NFATC2: variants seen among roughly 807,000 people sequenced by gnomAD.
NFATC2 encodes the protein nuclear factor of activated T cells 2, also known as nuclear factor of activated T-cells, cytoplasmic 2.
Under a neutral mutation model 87.3 loss-of-function variants are expected in NFATC2, and 22 were observed. The observed-to-expected ratio is 0.25, with a 90% CI of 0.18 to 0.36. NFATC2 has a LOEUF of 0.36. Among genes scored for constraint, NFATC2 ranks in the 10% least tolerant of loss-of-function variants. The pLI is 1.00. For missense variants in NFATC2, 1,149 were observed against 1,259.1 expected (o/e 0.91, Z 1.32); for synonymous variants, 565 against 542.2 (o/e 1.04, Z -0.58).
intron 1 of NFATC2, among the ~76,000 whole-genome samples, chr20:51,533,373 T>C (rs2076667854): frequency 6.6e-6 from 1 of 152,194 alleles, no homozygotes; most frequent in Non-Finnish European, 1.5e-5. Flanking sequence ...CCCCACCCAG[T>C]CACACACATA....
At chr20:51,559,388 G>T (rs143334286) in intron 1 of NFATC2, among the ~76,000 whole-genome samples, 99 of 152,292 alleles carry the variant, frequency 6.5e-4, no homozygotes, top group Non-Finnish European at 1.2e-3. Flanking sequence ...TGGTATTGGG[G>T]AAAGATCCCA....
At chr20:51,521,944 A>G (rs2076452080) in intron 2 of NFATC2, among the ~76,000 whole-genome samples, 1 of 152,222 alleles carries the variant, frequency 6.6e-6, no homozygotes, top group Admixed American at 6.5e-5. Flanking sequence ...TAAAGTTCCA[A>G]AAAGCAAAAT....
chr20:51,533,363 C>A (rs2076667537), intron 1 of NFATC2, among the ~76,000 whole-genome samples: 1 of 152,208 alleles, frequency 6.6e-6, no homozygotes, highest in Non-Finnish European at 1.5e-5. Flanking sequence ...GCTGCCCACG[C>A]CCCACCCAGT....
chr20:51,547,897 A>G (rs2076902316), intron 1 of NFATC2, among the ~76,000 whole-genome samples: 1 of 152,140 alleles, frequency 6.6e-6, no homozygotes, highest in South Asian at 2.1e-4. Context: ...TCAGGCCTTC[A>G]TTATTTCTTA....
At chr20:51,408,910 T>C (rs1016341467) in intron 9 of NFATC2, among the ~76,000 whole-genome samples, 3 of 152,114 alleles carry the variant, frequency 2.0e-5, no homozygotes, top group Non-Finnish European at 4.4e-5. Context: ...AGGTGGGAAT[T>C]TGCATTTCTA....
chr20:51,473,094 A>G (rs1988385424), intron 5 of NFATC2, among the ~76,000 whole-genome samples: 1 of 152,110 alleles, frequency 6.6e-6, no homozygotes, highest in Non-Finnish European at 1.5e-5. Flanking sequence ...TTGTTTTGAA[A>G]CCTGGTAGAA....
chr20:51,406,721 G>T (rs1474260975), intron 9 of NFATC2, among the ~76,000 whole-genome samples: 2 of 152,198 alleles, frequency 1.3e-5, no homozygotes, highest in Admixed American at 6.5e-5. Flanking sequence ...CTGGCTTGGG[G>T]CCTGGGGGCA....
At position 51,398,471 on chromosome 20, in the gene NFATC2, C is replaced by T. The variant is rs576184050; in HGVS notation, c.*44+172G>A. 2.0e-5 allele frequency among the ~76,000 whole-genome samples: 3 copies of T among 152,116 alleles called. No individual in the cohort carries two copies. The South Asian group carries it at 6.2e-4, about 32-fold the overall frequency. ...AACCCTGAGATTCTCAGGGAGGTCC[C>T]CAGGAGTGTCCACTTCAGGAGTGGA... On this transcript the variant is annotated intron_variant, in intron 10 of 10. Transcript: ENST00000371564.
rs564440657 is a variant in NFATC2 at position 51,478,401 on chromosome 20, T to C, written c.1333-2741A>G. Among the ~76,000 whole-genome samples the C allele has an allele frequency of 5.9e-5, 9 of 152,332 alleles. No individual in the cohort carries two copies. The South Asian group carries it at 1.9e-3, about 32-fold the overall frequency. On this transcript the variant is annotated intron_variant, in intron 3 of 10. Transcript: ENST00000371564. The stretch of plus-strand genomic sequence containing the variant: ...TAGGATGGAGAGTGAGCCCTGATGA[T>C]GTGGAGCTGTTTCCTCCTCAATGAA...
intron 1 of NFATC2, among the ~76,000 whole-genome samples, chr20:51,549,305 T>C (rs2076914160): frequency 6.6e-6 from 1 of 152,184 alleles, no homozygotes; most frequent in African/African-American, 2.4e-5. Context: ...GGAGTTTTGC[T>C]CTTGTTGCCC....
At chr20:51,539,907 G>A (rs1171269733) in intron 1 of NFATC2, among the ~76,000 whole-genome samples, 1 of 152,164 alleles carries the variant, frequency 6.6e-6, no homozygotes, top group Admixed American at 6.6e-5. Context: ...CCTTAAGTGT[G>A]GGCTTCATGT....
chr20:51,457,273 G>T (rs1212063226), intron 5 of NFATC2, among the ~76,000 whole-genome samples: 2 of 152,250 alleles, frequency 1.3e-5, no homozygotes, highest in East Asian at 1.9e-4. Flanking sequence ...TGGCCCCGGG[G>T]ATGGGTGGTG....
chr20:51,452,883 A>T (rs1410982447), intron 6 of NFATC2: 1 of 154,700 alleles, frequency 6.5e-6, no homozygotes, highest in Non-Finnish European at 1.5e-5. Flanking sequence ...TTTTCAGGGG[A>T]TAGATGATGG....
At chr20:51,441,194 A>G (rs1371839100) in intron 6 of NFATC2, among the ~76,000 whole-genome samples, 1 of 152,082 alleles carries the variant, frequency 6.6e-6, no homozygotes, top group Admixed American at 6.6e-5. Flanking sequence ...GAGGCAGGAG[A>G]ATCACTTGAA....
chr20:51,424,052 G>A (rs768649528), intron 9 of NFATC2, among the ~76,000 whole-genome samples: 96 of 152,148 alleles, frequency 6.3e-4, no homozygotes, highest in African/African-American at 1.0e-3. Context: ...AGAAAGGGAG[G>A]GGAAACAAGA....
chr20:51,416,233 G>A (rs1980021769), intron 9 of NFATC2, among the ~76,000 whole-genome samples: 1 of 152,266 alleles, frequency 6.6e-6, no homozygotes, highest in South Asian at 2.1e-4. Context: ...CTGCACTCCA[G>A]TCTGAGAGAG....
intron 9 of NFATC2, among the ~76,000 whole-genome samples, chr20:51,417,865 A>C (rs1397782054): frequency 1.3e-5 from 2 of 152,224 alleles, no homozygotes; most frequent in African/African-American, 4.8e-5. Context: ...CCCCCTGAGC[A>C]GTTCCCGAGG....
intron 3 of NFATC2, among the ~76,000 whole-genome samples, chr20:51,498,281 T>C (rs1349147972): frequency 6.6e-6 from 1 of 152,092 alleles, no homozygotes; most frequent in Non-Finnish European, 1.5e-5. Context: ...ACAGCGGGGC[T>C]CACCAAAGCC....
chr20:51,404,806 C>T (rs1988396958), intron 9 of NFATC2, among the ~76,000 whole-genome samples: 1 of 152,224 alleles, frequency 6.6e-6, no homozygotes, highest in Non-Finnish European at 1.5e-5. Flanking sequence ...GCGCAGACAG[C>T]TTTGGGCCGG....
Sources: allele counts gnomAD v4.1 joint callset (sites outside exome capture counted in the v4.1 genomes callset), GRCh38; gene constraint gnomAD v4.1.1; transcripts MANE v1.5; gene names NCBI Gene and HGNC (gene_info 2026-07-23, HGNC 2026-07-21).